The following HPSE2 variants were observed in gnomAD, a reference collection of about 807,000 sequenced individuals.
HPSE2 encodes the protein inactive heparanase-2.
HPSE2 carries 38 observed loss-of-function variants against 60.5 expected under a neutral mutation model. That is an observed-to-expected ratio of 0.63 (90% CI 0.48 to 0.82). HPSE2 has a LOEUF of 0.82. HPSE2 is among the 40% of genes least tolerant of loss of function. HPSE2 has a pLI of 0.00. For synonymous variants in HPSE2, 295 were observed against 293.2 expected (o/e 1.01, Z -0.06); for missense variants, 713 against 740.4 (o/e 0.96, Z 0.43).
intron 3 of HPSE2, among the ~76,000 whole-genome samples, chr10:99,006,812 G>C (rs1456909570): frequency 6.6e-6 from 1 of 152,114 alleles, no homozygotes; most frequent in Non-Finnish European, 1.5e-5. Flanking sequence ...GGGTAGGCCT[G>C]GTATCGGGGC....
intron 6 of HPSE2, among the ~76,000 whole-genome samples, chr10:98,676,689 A>G (rs1947650948): frequency 6.6e-6 from 1 of 152,322 alleles, no homozygotes; most frequent in Non-Finnish European, 1.5e-5. Flanking sequence ...CTAGGGGGTC[A>G]CTATGAGGGG....
At chr10:99,315,062 CAAAG>C in the HPSE2 span, among the ~76,000 whole-genome samples, 1 of 152,160 alleles carries the variant, frequency 6.6e-6, no homozygotes, top group Non-Finnish European at 1.5e-5. Flanking sequence ...GAGAAGTACA[CAAAG>C]AACACTAATT....
At chr10:98,560,416 T>C (rs975518924) in intron 9 of HPSE2, among the ~76,000 whole-genome samples, 4 of 152,240 alleles carry the variant, frequency 2.6e-5, no homozygotes, top group African/African-American at 7.2e-5. Context: ...AGCCACACAG[T>C]ACATGTCTCT....
rs1264178974 is a variant in HPSE2, at chr10:98,459,555, C to A, written c.*19G>T. 1 of 1,613,884 alleles carries A rather than the reference C, an allele frequency of 6.2e-7. No individual in the cohort carries two copies. The highest frequency in any genetic ancestry group is 8.5e-7 in the Non-Finnish European group (1 of 1,179,840). On this transcript the variant is annotated 3_prime_UTR_variant, in exon 12 of 12. Coordinates refer to ENST00000370552, the MANE Select transcript of HPSE2 (RefSeq NM_021828.5). ...AGCAGCCCAGCAGGCCCACTGGTAG[C>A]CGTGAGTGTGAGGATAGCTTATCGG...
intron 9 of HPSE2, among the ~76,000 whole-genome samples, chr10:98,563,301 G>T (rs1276663245): frequency 6.6e-6 from 1 of 151,970 alleles, no homozygotes; most frequent in Admixed American, 6.6e-5. Flanking sequence ...CTAAGTCAAA[G>T]AACCTAGTTA....
intron 3 of HPSE2, among the ~76,000 whole-genome samples, chr10:99,078,304 C>T (rs1006018476): frequency 2.0e-5 from 3 of 152,124 alleles, no homozygotes; most frequent in Admixed American, 2.0e-4. Context: ...CTGGATTTTC[C>T]ATCAGGAGTT....
chr10:99,095,100 C>T (rs1186518723), intron 3 of HPSE2, among the ~76,000 whole-genome samples: 2 of 151,852 alleles, frequency 1.3e-5, no homozygotes, highest in Non-Finnish European at 2.9e-5. Flanking sequence ...GCAGGAGTAT[C>T]ACCTGAGCCC....
intron 3 of HPSE2, among the ~76,000 whole-genome samples, chr10:98,825,011 G>C (rs569661147): frequency 6.6e-6 from 1 of 152,258 alleles, no homozygotes; most frequent in East Asian, 1.9e-4. Flanking sequence ...ATAGTCATTA[G>C]GGATACAAAG....
intron 9 of HPSE2, among the ~76,000 whole-genome samples, chr10:98,560,131 T>C (rs1944129560): frequency 6.6e-6 from 1 of 152,128 alleles, no homozygotes; most frequent in Non-Finnish European, 1.5e-5. Flanking sequence ...GAATCTTTCA[T>C]CCATGTTCAT....
At chr10:98,524,439 C>G (rs114933572) in intron 9 of HPSE2, among the ~76,000 whole-genome samples, 1 of 111,878 alleles carries the variant, frequency 8.9e-6, no homozygotes, top group African/African-American at 2.5e-5. Context: ...TTCTTTCACC[C>G]CAGAACTTTT....
chr10:99,198,150 A>G (rs959867533), intron 2 of HPSE2, among the ~76,000 whole-genome samples: 2 of 152,190 alleles, frequency 1.3e-5, no homozygotes, highest in Non-Finnish European at 2.9e-5. Context: ...GGAATAAAAA[A>G]CAATCAAAAA....
intron 3 of HPSE2, among the ~76,000 whole-genome samples, chr10:98,840,140 A>C (rs1270947186): frequency 6.6e-6 from 1 of 152,156 alleles, no homozygotes; most frequent in African/African-American, 2.4e-5. Context: ...TAAATGAACT[A>C]TTTTTTAATT....
intron 9 of HPSE2, among the ~76,000 whole-genome samples, chr10:98,564,428 T>C (rs952581302): frequency 6.6e-6 from 1 of 152,232 alleles, no homozygotes; most frequent in Non-Finnish European, 1.5e-5. Context: ...TGTTAACTAT[T>C]GTTGCAATTT....
intron 3 of HPSE2, among the ~76,000 whole-genome samples, chr10:98,861,534 TA>T (rs1952458118): frequency 6.6e-6 from 1 of 152,196 alleles, no homozygotes; most frequent in African/African-American, 2.4e-5. Context: ...TTGAAAACTA[TA>T]CCGAATGCAT....
At chr10:98,460,915 A>G (rs1245597797) in intron 11 of HPSE2, among the ~76,000 whole-genome samples, 1 of 152,222 alleles carries the variant, frequency 6.6e-6, no homozygotes, top group African/African-American at 2.4e-5. Flanking sequence ...GTGGAAGCTT[A>G]GTTTTATGGG....
intron 2 of HPSE2, among the ~76,000 whole-genome samples, chr10:99,177,841 C>G (rs1847591650): frequency 6.6e-6 from 1 of 152,194 alleles, no homozygotes. Context: ...CCACATCGCA[C>G]TTATTCTAAA....
chr10:98,810,274 G>C (rs1951140089), intron 3 of HPSE2, among the ~76,000 whole-genome samples: 1 of 151,932 alleles, frequency 6.6e-6, no homozygotes, highest in Admixed American at 6.6e-5. Flanking sequence ...ACCAGGGGTG[G>C]ATCCAAGTTT....
intron 9 of HPSE2, among the ~76,000 whole-genome samples, chr10:98,530,677 C>T (rs535806251): frequency 3.3e-5 from 5 of 152,208 alleles, no homozygotes; most frequent in African/African-American, 7.2e-5. Context: ...CTGCTCTGCT[C>T]GGACTGGCTC....
intron 2 of HPSE2, among the ~76,000 whole-genome samples, chr10:99,224,279 G>A (rs1849403342): frequency 6.6e-6 from 1 of 151,944 alleles, no homozygotes; most frequent in Non-Finnish European, 1.5e-5. Flanking sequence ...ACTTGTACAA[G>A]GTATGTAAAC....
Sources: allele counts gnomAD v4.1 joint callset (sites outside exome capture counted in the v4.1 genomes callset), GRCh38; gene constraint gnomAD v4.1.1; transcripts MANE v1.5; gene names NCBI Gene and HGNC (gene_info 2026-07-23, HGNC 2026-07-21).